FMN1: variants seen among roughly 807,000 people sequenced by gnomAD.
The protein encoded by FMN1 is formin-1.
In FMN1, 110 loss-of-function variants were observed where a neutral mutation model predicts 132.4. The observed-to-expected ratio is 0.83, with a 90% CI of 0.71 to 0.97. The LOEUF (loss-of-function observed/expected upper bound fraction) is 0.97, where lower values mean the gene tolerates loss of function less well. Ranked by LOEUF, FMN1 falls within the 50% of genes least tolerant of loss-of-function variation. FMN1 has a pLI of 0.00. For synonymous variants in FMN1, 722 were observed against 651.7 expected, an observed-to-expected ratio of 1.11 and a Z score of -1.64; for missense variants, 1,792 against 1,705.3, an observed-to-expected ratio of 1.05 and a Z score of -0.90.
intron 16 of FMN1, among the ~76,000 whole-genome samples, chr15:32,877,314 T>C (rs1467447036): frequency 6.7e-6 from 1 of 149,722 alleles, no homozygotes; most frequent in East Asian, 1.9e-4. Flanking sequence ...GGATAGATGG[T>C]ATCAACACAA....
At chr15:32,802,877 T>A (rs1220999213) in intron 18 of FMN1, among the ~76,000 whole-genome samples, 1 of 152,130 alleles carries the variant, frequency 6.6e-6, no homozygotes, top group East Asian at 1.9e-4. Context: ...AGACACAAAC[T>A]CCTAAAAACA....
rs369837017 is a variant in FMN1, at chr15:32,908,537, G to A, written c.3330C>T (p.Tyr1110=). The change falls in exon 12 of 21, where the codon TAC becomes TAT. Residue 1110 remains tyrosine (Y), a synonymous_variant. Coordinates refer to ENST00000616417, the MANE Select transcript of FMN1 (RefSeq NM_001277313.2). ...TCAGTTCTTCTTCTTTGGATGTCTC[G>A]TAATACTTTCTTATTTTAACCAGCT... The part of the protein sequence containing the change: ...EDELVKIRKY[Y]ETSKEEELKL... 1.4e-5 allele frequency: 23 copies of A among 1,588,442 alleles called. No homozygotes were observed. The highest frequency in any genetic ancestry group is 2.3e-5 in the East Asian group (1 of 43,194).
intron 3 of FMN1, among the ~76,000 whole-genome samples, chr15:33,163,298 C>CTTT (rs200600407): frequency 2.1e-5 from 3 of 144,724 alleles, no homozygotes; most frequent in Non-Finnish European, 3.0e-5. Flanking sequence ...CTTGTCTTTT[C>CTTT]TTTTTTTTTT....
intron 9 of FMN1, among the ~76,000 whole-genome samples, chr15:32,957,520 T>C (rs1440075052): frequency 6.6e-6 from 1 of 152,066 alleles, no homozygotes; most frequent in Non-Finnish European, 1.5e-5. Context: ...TGTCCGAATG[T>C]ATCACTAACG....
chr15:33,173,853 C>T (rs1965419381), intron 3 of FMN1, among the ~76,000 whole-genome samples: 1 of 152,126 alleles, frequency 6.6e-6, no homozygotes, highest in Non-Finnish European at 1.5e-5. Flanking sequence ...CGCTTGAACC[C>T]AGGAGGTGGA....
chr15:33,033,131 C>T (rs544345045), intron 6 of FMN1, among the ~76,000 whole-genome samples: 8 of 151,912 alleles, frequency 5.3e-5, no homozygotes, highest in Non-Finnish European at 7.4e-5. Flanking sequence ...CCTGGGTTCA[C>T]GCCATTCTCC....
At chr15:32,829,122 A>G (rs1283439941) in intron 17 of FMN1, among the ~76,000 whole-genome samples, 2 of 152,226 alleles carry the variant, frequency 1.3e-5, no homozygotes, top group Non-Finnish European at 2.9e-5. Flanking sequence ...ACTGGATAGC[A>G]AAACTCCAGC....
intron 10 of FMN1, among the ~76,000 whole-genome samples, chr15:32,911,227 T>G (rs1001902464): frequency 3.3e-5 from 5 of 152,214 alleles, no homozygotes; most frequent in Non-Finnish European, 5.9e-5. Flanking sequence ...CCATAGATAC[T>G]GGGATGCAAA....
At chr15:32,956,622 T>C (rs1369631376) in intron 9 of FMN1, among the ~76,000 whole-genome samples, 1 of 152,090 alleles carries the variant, frequency 6.6e-6, no homozygotes, top group Non-Finnish European at 1.5e-5. Context: ...AATCAACACA[T>C]GGGCAAGTTA....
intron 4 of FMN1, among the ~76,000 whole-genome samples, chr15:33,135,624 T>C (rs1486675841): frequency 2.6e-5 from 4 of 152,218 alleles, no homozygotes; most frequent in Non-Finnish European, 5.9e-5. Flanking sequence ...TTAGTGAAGC[T>C]GGAGAAACCG....
rs1414380937 is a variant in FMN1 at position 32,962,786 on chromosome 15, CAAT to C, written c.3138+1318_3138+1320del. Among the ~76,000 whole-genome samples, 4 of 151,596 alleles carry C rather than the reference CAAT, an allele frequency of 2.6e-5. No homozygotes were observed. In the East Asian group the frequency reaches 7.7e-4, roughly 29 times the overall value. On this transcript the variant is annotated intron_variant, in intron 9 of 20. Coordinates refer to ENST00000616417, the MANE Select transcript of FMN1 (RefSeq NM_001277313.2). Reference sequence around the variant, plus strand: ...ATCAGAGAAATGCAAATCAAAACCACAATGAGATACCATCTCAAACCAGTTAGA... The same window carrying C: ...ATCAGAGAAATGCAAATCAAAACCACGAGATACCATCTCAAACCAGTTAGA...
chr15:33,096,371 A>G (rs889522172), intron 4 of FMN1, among the ~76,000 whole-genome samples: 4 of 152,116 alleles, frequency 2.6e-5, no homozygotes, highest in African/African-American at 4.8e-5. Flanking sequence ...AAAAGTCTGG[A>G]TATTACCTTG....
intron 4 of FMN1, among the ~76,000 whole-genome samples, chr15:33,118,274 A>G (rs566391073): frequency 6.6e-6 from 1 of 152,156 alleles, no homozygotes; most frequent in Non-Finnish European, 1.5e-5. Flanking sequence ...CTCATTTGTT[A>G]TATTAATAAC....
intron 6 of FMN1, among the ~76,000 whole-genome samples, chr15:33,048,570 G>A (rs2036799230): frequency 7.4e-6 from 1 of 135,670 alleles, no homozygotes; most frequent in Admixed American, 8.0e-5. Context: ...GGTGCGTAAA[G>A]AAATACATTA....
intron 6 of FMN1, among the ~76,000 whole-genome samples, chr15:33,060,455 G>A (rs894489503): frequency 6.6e-6 from 1 of 152,114 alleles, no homozygotes; most frequent in African/African-American, 2.4e-5. Flanking sequence ...CAGAAAATAG[G>A]TGGATCTTTA....
At chr15:33,181,874 A>T (rs1965716325) in intron 2 of FMN1, among the ~76,000 whole-genome samples, 1 of 151,648 alleles carries the variant, frequency 6.6e-6, no homozygotes, top group African/African-American at 2.4e-5. Flanking sequence ...ATGCCTGGCT[A>T]ATTTTTTGTA....
At chr15:32,818,669 T>A (rs2058122159) in intron 17 of FMN1, among the ~76,000 whole-genome samples, 1 of 152,130 alleles carries the variant, frequency 6.6e-6, no homozygotes, top group South Asian at 2.1e-4. Flanking sequence ...TTATTCTGTA[T>A]TTGAAAAATA....
At chr15:32,980,137 G>C (rs944873872) in intron 7 of FMN1, among the ~76,000 whole-genome samples, 1 of 152,108 alleles carries the variant, frequency 6.6e-6, no homozygotes, top group African/African-American at 2.4e-5. Flanking sequence ...GCTAGGAGGG[G>C]AAGTGTTTTA....
intron 5 of FMN1, among the ~76,000 whole-genome samples, chr15:33,081,266 T>C (rs1233472573): frequency 2.0e-5 from 3 of 152,210 alleles, no homozygotes; most frequent in Non-Finnish European, 4.4e-5. Flanking sequence ...CAGCAAACGG[T>C]TGAACCTGCA....
Sources: gnomAD v4.1 joint callset for allele counts (sites outside exome capture counted in the v4.1 genomes callset) on GRCh38, gnomAD v4.1.1 for gene constraint, MANE v1.5 for transcripts, NCBI Gene and HGNC (gene_info 2026-07-23, HGNC 2026-07-21) for gene names.